Variants in AIMP1 observed in about 807,000 individuals in gnomAD.
AIMP1 encodes aminoacyl tRNA synthase complex-interacting multifunctional protein 1.
A neutral mutation model predicts 33.1 loss-of-function variants in AIMP1; 24 were observed. The ratio of observed to expected loss-of-function variants is 0.73; its 90% confidence interval spans 0.53 to 1.02. The LOEUF is 1.02. Among genes scored for constraint, AIMP1 ranks in the 50% least tolerant of loss-of-function variants. The pLI, the probability that AIMP1 is intolerant of heterozygous loss-of-function variation, is 0.00. For missense variants in AIMP1, 367 were observed against 364.8 expected (o/e 1.01, Z -0.05); for synonymous variants, 120 against 121.5 (o/e 0.99, Z 0.08).
At chr4:106,326,210 A>G (rs11940160) in intron 2 of AIMP1, among the ~76,000 whole-genome samples, 22,761 of 152,210 alleles carry the variant, frequency 0.15, 1,836 homozygotes, top group South Asian at 0.25. Context: ...TTAGGGTATA[A>G]TAAGCATGCT....
intron 6 of AIMP1, among the ~76,000 whole-genome samples, chr4:106,343,628 G>A (rs1293232326): frequency 2.0e-5 from 3 of 151,964 alleles, no homozygotes; most frequent in East Asian, 1.9e-4. Flanking sequence ...ATTACATTTC[G>A]AGAAAATCTC....
At chr4:106,328,031 T>C (rs1255308227) in intron 3 of AIMP1, 45 bp from the exon 4 acceptor site, 1 of 1,602,654 alleles carries the variant, frequency 6.2e-7, no homozygotes, top group Non-Finnish European at 8.5e-7. Flanking sequence ...TTTTGTCATA[T>C]TTATTGGTTT....
In AIMP1 at chr4:106,330,003, G is replaced by A. The variant is rs1579635521; in HGVS notation, c.392-1669G>A. Among the ~76,000 whole-genome samples, 4 of 151,768 alleles carry A rather than the reference G, an allele frequency of 2.6e-5. 1 individual carries two copies. Among genetic ancestry groups the A allele is most frequent in the African/African-American group, 9.7e-5 (4 of 41,308 alleles). ...TCACCATATTGGTCAGGCTGGTCTC[G>A]AACTCCTGATCTCAGGTGATCCACC... On this transcript the variant is annotated intron_variant, in intron 4 of 6. Coordinates refer to ENST00000672341, the MANE Select transcript of AIMP1 (RefSeq NM_001142416.2).
At chr4:106,346,789 C>T (rs1770317298) in intron 6 of AIMP1, among the ~76,000 whole-genome samples, 2 of 152,116 alleles carry the variant, frequency 1.3e-5, no homozygotes, top group African/African-American at 2.4e-5. Context: ...TTCATTTCTT[C>T]ACAGTTTTCC....
At chr4:106,323,079 T>G (rs1340490305) in intron 1 of AIMP1, among the ~76,000 whole-genome samples, 3 of 152,180 alleles carry the variant, frequency 2.0e-5, no homozygotes, top group Non-Finnish European at 4.4e-5. Flanking sequence ...CATTTGTATT[T>G]CTGTATTTTG....
intron 6 of AIMP1, among the ~76,000 whole-genome samples, chr4:106,338,305 A>G (rs988203498): frequency 1.1e-4 from 17 of 152,352 alleles, no homozygotes; most frequent in African/African-American, 3.4e-4. Context: ...GGGCATTTCA[A>G]AGACCTTCAC....
chr4:106,325,786 C>G (rs1046438982), intron 2 of AIMP1, among the ~76,000 whole-genome samples: 2 of 151,816 alleles, frequency 1.3e-5, no homozygotes, highest in African/African-American at 4.8e-5. Context: ...CTGTTAATAT[C>G]CTGTAAGGAA....
Position 106,331,858 on chromosome 4 carries a change from T to A in AIMP1, c.578T>A (p.Leu193Gln), listed in dbSNP as rs528806666. Residue 193 changes from leucine to glutamine, a missense_variant, in exon 5 of 7, where the codon CTG (leucine) becomes CAG (glutamine). Leu to Gln is a moderately radical substitution (Grantham distance 113, BLOSUM62 -2). Coordinates refer to ENST00000672341, the MANE Select transcript of AIMP1 (RefSeq NM_001142416.2). ...GCCCCAAGGACAGTTGTCAGTGGCC[T>A]GGTGAATCATGTTCCTCTTGAACAG... ...EIAPRTVVSG[L>Q]VNHVPLEQMQ... The A allele has an allele frequency of 2.6e-5, 42 of 1,614,104 alleles. No individual in the cohort carries two copies. The Admixed American group carries it at 4.7e-4, about 18-fold the overall frequency.
At chr4:106,346,007 C>T (rs184674498) in intron 6 of AIMP1, among the ~76,000 whole-genome samples, 1 of 151,352 alleles carries the variant, frequency 6.6e-6, no homozygotes, top group African/African-American at 2.4e-5. Context: ...GTTTATATTT[C>T]TATCATTACT....
chr4:106,342,190 CAG>C (rs1770123795), intron 6 of AIMP1, among the ~76,000 whole-genome samples: 1 of 152,140 alleles, frequency 6.6e-6, no homozygotes, highest in South Asian at 2.1e-4. Flanking sequence ...AGCCTTTTGG[CAG>C]AGTCTGTAGG....
chr4:106,347,733 A>G lies in AIMP1; in HGVS notation c.*41A>G. On this transcript the variant is annotated 3_prime_UTR_variant, in exon 7 of 7. Transcript: ENST00000672341. ...AAAAGACATTAGAGAAAACCTTAAA[A>G]GTAATAAAGAGAAATATATTTGTCA... 3 of 1,581,844 alleles carry G rather than the reference A, an allele frequency of 1.9e-6. No individual in the cohort carries two copies. Among genetic ancestry groups the G allele is most frequent in the Non-Finnish European group, 2.6e-6 (3 of 1,162,658 alleles).
chr4:106,316,549 T>C (rs1480842766), upstream of AIMP1: 6 of 1,551,556 alleles, frequency 3.9e-6, no homozygotes, highest in Admixed American at 2.0e-5. Context: ...TGGACCTACA[T>C]GCTTCCTGCT....
chr4:106,338,993 G>C (rs1033725583), intron 6 of AIMP1, among the ~76,000 whole-genome samples: 2 of 152,204 alleles, frequency 1.3e-5, no homozygotes, highest in Non-Finnish European at 2.9e-5. Context: ...TTGGATTCCA[G>C]ACTTGCATGG....
Position 106,328,300 on chromosome 4 carries a change from G to A in AIMP1, c.391+57G>A, listed in dbSNP as rs552363066. On this transcript the variant is annotated intron_variant, in intron 4 of 6. Coordinates refer to ENST00000672341, the MANE Select transcript of AIMP1 (RefSeq NM_001142416.2). Reference sequence around the variant, plus strand: ...TGACTGGATTATCAGAAAATGTCAAGTTTTGATAATGATAATAATAATAGT... The same window carrying A: ...TGACTGGATTATCAGAAAATGTCAAATTTTGATAATGATAATAATAATAGT... 2.8e-5 allele frequency: 42 copies of A among 1,524,034 alleles called. 1 individual carries two copies. In the South Asian group the frequency reaches 5.0e-4, roughly 18 times the overall value. The allele number at this position is 1,524,034 out of a possible 1,614,324, so 94.4% of individuals were successfully genotyped here.
At chr4:106,318,867 T>G (rs1182951333) in intron 1 of AIMP1, among the ~76,000 whole-genome samples, 1 of 152,106 alleles carries the variant, frequency 6.6e-6, no homozygotes, top group Non-Finnish European at 1.5e-5. Context: ...AGGGTTAAAT[T>G]TAAAAGAAGT....
At chr4:106,323,869 T>C (rs1769362062) in intron 1 of AIMP1, among the ~76,000 whole-genome samples, 2 of 152,042 alleles carry the variant, frequency 1.3e-5, no homozygotes, top group African/African-American at 2.4e-5. Flanking sequence ...TGAAAAGATA[T>C]GGCTCAAATC....
At chr4:106,331,225 T>C (rs1019391943) in intron 4 of AIMP1, among the ~76,000 whole-genome samples, 2 of 152,216 alleles carry the variant, frequency 1.3e-5, no homozygotes, top group Non-Finnish European at 2.9e-5. Flanking sequence ...CAAAGAGCCA[T>C]AGTAAAAGTT....
intron 6 of AIMP1, among the ~76,000 whole-genome samples, chr4:106,345,075 C>T (rs952076865): frequency 2.0e-5 from 3 of 152,210 alleles, no homozygotes; most frequent in African/African-American, 7.2e-5. Flanking sequence ...ACCTAGTAAG[C>T]ACTATATACG....
chr4:106,315,812 AG>A (rs2125913991), upstream of AIMP1: 1 of 152,442 alleles, frequency 6.6e-6, no homozygotes, highest in Admixed American at 6.5e-5. Context: ...GCGGCTCCAC[AG>A]CTCGGTTCTC....
Sources: gnomAD v4.1 joint callset for allele counts (sites outside exome capture counted in the v4.1 genomes callset) on GRCh38, gnomAD v4.1.1 for gene constraint, MANE v1.5 for transcripts, NCBI Gene and HGNC (gene_info 2026-07-23, HGNC 2026-07-21) for gene names.